CFAP54: variants seen among roughly 807,000 people sequenced by gnomAD.
The protein encoded by CFAP54 is cilia- and flagella-associated protein 54.
Under a neutral mutation model 370.4 loss-of-function variants are expected in CFAP54, and 290 were observed. The observed-to-expected ratio is 0.78, with a 90% CI of 0.71 to 0.86. The LOEUF (loss-of-function observed/expected upper bound fraction) is 0.86. CFAP54 is among the 40% of genes least tolerant of loss of function. CFAP54 has a pLI of 0.00. For synonymous variants in CFAP54, 1,206 were observed against 1,236.5 expected, an observed-to-expected ratio of 0.98 and a Z score of 0.52; for missense variants, 3,399 against 3,528.7, an observed-to-expected ratio of 0.96 and a Z score of 0.93.
intron 65 of CFAP54, among the ~76,000 whole-genome samples, chr12:96,821,598 G>A (rs980913044): frequency 2.6e-5 from 4 of 151,216 alleles, no homozygotes; most frequent in Non-Finnish European, 5.9e-5. Flanking sequence ...ACTAATATTC[G>A]TTTAGGTGAA....
chr12:96,850,548 T>G (rs1449118569), intron 66 of CFAP54, among the ~76,000 whole-genome samples: 3 of 152,116 alleles, frequency 2.0e-5, no homozygotes, highest in Non-Finnish European at 4.4e-5. Flanking sequence ...AGAGCCTGTC[T>G]TCCTAGGTGT....
intron 46 of CFAP54, among the ~76,000 whole-genome samples, chr12:96,704,153 T>C (rs1204909185): frequency 6.6e-6 from 1 of 151,956 alleles, no homozygotes; most frequent in Non-Finnish European, 1.5e-5. Flanking sequence ...ATCGGCCAGG[T>C]GCAGTGGCTC....
intron 33 of CFAP54, among the ~76,000 whole-genome samples, chr12:96,647,472 CAAAAAAA>C (rs57089692): frequency 0.015 from 593 of 40,790 alleles, 13 homozygotes; most frequent in Non-Finnish European, 0.019. Context: ...GACTCTGTCC[CAAAAAAA>C]AAAAAAAAAA....
At position 96,532,526 on chromosome 12, in the gene CFAP54, C is replaced by T. The variant is rs114134003; in HGVS notation, c.1358-1266C>T. On this transcript the variant is annotated intron_variant, in intron 9 of 67. Coordinates refer to ENST00000524981, the MANE Select transcript of CFAP54 (RefSeq NM_001306084.2). Reference sequence around the variant, plus strand: ...AAATTTACCCTCATGCATATTGATCCTTTCCCACTATCTCTCATTTAAATG... The same window carrying T: ...AAATTTACCCTCATGCATATTGATCTTTTCCCACTATCTCTCATTTAAATG... Among the ~76,000 whole-genome samples, 501 of 152,304 alleles carry T rather than the reference C, an allele frequency of 3.3e-3. 3 individuals are homozygous for T. Among genetic ancestry groups the T allele is most frequent in the African/African-American group, 0.012 (483 of 41,558 alleles).
intron 55 of CFAP54, among the ~76,000 whole-genome samples, chr12:96,747,870 A>G (rs957067430): frequency 1.3e-5 from 2 of 152,234 alleles, no homozygotes; most frequent in Non-Finnish European, 2.9e-5. Context: ...ATGGTAGTAC[A>G]GTTGCTGTTA....
chr12:96,594,020 G>A (rs1956150995), intron 24 of CFAP54, among the ~76,000 whole-genome samples: 1 of 152,076 alleles, frequency 6.6e-6, no homozygotes, highest in East Asian at 1.9e-4. Context: ...TAAAAATATA[G>A]CCAAGTTTTT....
chr12:96,786,691 A>G lies in CFAP54; in HGVS notation c.8472A>G (p.Val2824=). 1.3e-6 allele frequency: 2 copies of G among 1,532,428 alleles called. No individual in the cohort carries two copies. Among genetic ancestry groups the G allele is most frequent in the Non-Finnish European group, 1.7e-6 (2 of 1,144,668 alleles). The allele number at this position is 1,532,428 out of a possible 1,614,324, so 94.9% of individuals were successfully genotyped here. A position where few individuals can be genotyped will look rare whatever the true frequency, so the allele number is the denominator to read the frequency against. ...LSKLLASATP[V]SGISLPDDTL... ...TTTCTTAAGCATCTGCAACACCAGT[A>G]TCTGGAATTTCTTTGCCAGATGATA... The change falls in exon 62 of 68, where the codon GTA becomes GTG. Residue 2824 remains valine, a synonymous_variant. Transcript: ENST00000524981.
At position 96,644,281 on chromosome 12, in the gene CFAP54, T is replaced by C. The variant is rs1005836575; in HGVS notation, c.4420T>C (p.Ser1474Pro). 2 of 1,535,790 alleles carry C rather than the reference T, an allele frequency of 1.3e-6. No homozygotes were observed. The highest frequency in any genetic ancestry group is 2.7e-5 in the African/African-American group (2 of 73,144). Residue 1474 changes from serine to proline, a missense_variant, in exon 33 of 68, where the codon TCA (serine) becomes CCA (proline). Coordinates refer to ENST00000524981, the MANE Select transcript of CFAP54 (RefSeq NM_001306084.2). ...YVKRKRFHRL[S>P]LEEMPWRAQM... ...TAAAAGAAAGAGGTTCCATCGTCTA[T>C]CACTTGAAGAGATGCCCTGGAGAGC...
At chr12:96,570,330 T>TA (rs1565899821) in intron 19 of CFAP54, among the ~76,000 whole-genome samples, 2 of 146,064 alleles carry the variant, frequency 1.4e-5, no homozygotes, top group African/African-American at 5.0e-5. Context: ...TTTTTTTTTT[T>TA]AAATCAATGA....
At chr12:96,821,056 C>CG (rs1959026774) in intron 65 of CFAP54, among the ~76,000 whole-genome samples, 1 of 152,158 alleles carries the variant, frequency 6.6e-6, no homozygotes, top group Non-Finnish European at 1.5e-5. Context: ...CTCTGCCACT[C>CG]AGCTTTACTA....
chr12:96,644,454 A>T, intron 33 of CFAP54, 46 bp downstream of exon 33: 1 of 1,314,268 alleles, frequency 7.6e-7, no homozygotes, highest in South Asian at 1.3e-5. Flanking sequence ...TTTCATGAAC[A>T]TGGATTGTAT....
rs112038150 is a variant in CFAP54 at position 96,668,031 on chromosome 12, A to G, written c.5563+4099A>G. Among the ~76,000 whole-genome samples, 644 of 152,296 alleles carry G rather than the reference A, an allele frequency of 4.2e-3. 4 individuals carry two copies. Among genetic ancestry groups the G allele is most frequent in the Non-Finnish European group, 6.2e-3 (423 of 68,034 alleles). ...AGTTTCCAACAAGTTCCTCATCTCC[A>G]TCTGAGACCACCTCAGCCTGGACTT... On this transcript the variant is annotated intron_variant, in intron 39 of 67. Coordinates refer to ENST00000524981, the MANE Select transcript of CFAP54 (RefSeq NM_001306084.2).
chr12:96,818,767 C>T, intron 65 of CFAP54, among the ~76,000 whole-genome samples: 1 of 152,190 alleles, frequency 6.6e-6, no homozygotes, highest in East Asian at 1.9e-4. Flanking sequence ...GGGGTTGAGC[C>T]TAGCATGCTC....
chr12:96,708,346 A>G (rs1330890315), intron 47 of CFAP54, among the ~76,000 whole-genome samples: 1 of 152,128 alleles, frequency 6.6e-6, no homozygotes, highest in Non-Finnish European at 1.5e-5. Flanking sequence ...TCTGAGCACC[A>G]GGTTTACTCT....
chr12:96,827,149 G>A lies in CFAP54; in HGVS notation c.9097-1865G>A, dbSNP rs1395886291. Among the ~76,000 whole-genome samples the A allele has an allele frequency of 1.1e-4, 7 of 62,134 alleles. 1 individual carries two copies. The highest frequency in any genetic ancestry group is 3.6e-4 in the African/African-American group (5 of 13,866). 40.8% of individuals were successfully genotyped at this position (62,134 alleles called of 152,430 possible). A position where few individuals can be genotyped will look rare whatever the true frequency, so the allele number is the denominator to read the frequency against. ...GCAATTATATGTGATTATATATAAT[G>A]TGCAATTATATGTGATTATATATAA... On this transcript the variant is annotated intron_variant, in intron 65 of 67. Transcript: ENST00000524981.
chr12:96,535,008 C>CTGTGTGTGTGTG (rs4018882), intron 11 of CFAP54, among the ~76,000 whole-genome samples: 21 of 137,442 alleles, frequency 1.5e-4, no homozygotes, highest in African/African-American at 3.9e-4. Flanking sequence ...GTTTTCTTTT[C>CTGTGTGTGTGTG]TGTGTGTGTG....
At chr12:96,567,781 C>T (rs1039414936) in intron 19 of CFAP54, among the ~76,000 whole-genome samples, 3 of 152,004 alleles carry the variant, frequency 2.0e-5, no homozygotes, top group South Asian at 2.1e-4. Context: ...GTCTGCCTCC[C>T]GCCACTGAGA....
intron 32 of CFAP54, among the ~76,000 whole-genome samples, chr12:96,634,917 C>G (rs1455309455): frequency 6.6e-6 from 1 of 152,184 alleles, no homozygotes; most frequent in Non-Finnish European, 1.5e-5. Context: ...TTTCTGAGTT[C>G]TGTATTCTGT....
At chr12:96,740,132 C>A (rs1185838454) in intron 51 of CFAP54, 71 bp downstream of exon 51, 3 of 878,052 alleles carry the variant, frequency 3.4e-6, no homozygotes, top group East Asian at 5.1e-5. Context: ...AGGATATTGT[C>A]TAATTATTTA....
Sources: allele counts gnomAD v4.1 joint callset (sites outside exome capture counted in the v4.1 genomes callset), GRCh38; gene constraint gnomAD v4.1.1; transcripts MANE v1.5; gene names NCBI Gene and HGNC (gene_info 2026-07-23, HGNC 2026-07-21).